The following SRRM1 variants were observed in gnomAD, a reference collection of about 807,000 sequenced individuals.
SRRM1 encodes the protein serine and arginine repetitive matrix 1.
Under a neutral mutation model 110.2 loss-of-function variants are expected in SRRM1, and 19 were observed. The observed-to-expected ratio is 0.17, with a 90% CI of 0.12 to 0.25. The LOEUF is 0.25. Ranked by LOEUF, SRRM1 falls within the 10% of genes least tolerant of loss-of-function variation. SRRM1 has a pLI of 1.00. For missense variants in SRRM1, 918 were observed against 1,145.8 expected (o/e 0.80, Z 2.87); for synonymous variants, 443 against 414.9 (o/e 1.07, Z -0.82).
chr1:24,650,192 C>G (rs2148288981), intron 5 of SRRM1, 106 bp downstream of exon 5: 2 of 1,138,694 alleles, frequency 1.8e-6, no homozygotes, highest in East Asian at 6.0e-5. Flanking sequence ...GAATTTGTTC[C>G]ATCATGCAGT....
chr1:24,655,350 T>G (rs1663441700), intron 9 of SRRM1, among the ~76,000 whole-genome samples: 1 of 152,290 alleles, frequency 6.6e-6, no homozygotes, highest in African/African-American at 2.4e-5. Flanking sequence ...CCCTGTGGCA[T>G]TGCGCAGGTG....
At chr1:24,652,048 A>ATATATATATATATATATATATATATG (rs1661154384) in intron 6 of SRRM1, among the ~76,000 whole-genome samples, 1 of 132,492 alleles carries the variant, frequency 7.5e-6, no homozygotes, top group Non-Finnish European at 1.6e-5. Context: ...ATATATATAT[A>ATATATATATATATATATATATATATG]TATATATATA....
intron 9 of SRRM1, among the ~76,000 whole-genome samples, chr1:24,656,466 C>G (rs995743766): frequency 6.6e-6 from 1 of 152,202 alleles, no homozygotes; most frequent in Non-Finnish European, 1.5e-5. Flanking sequence ...GTTCCAGGTT[C>G]AGTCCTCAGT....
chr1:24,664,299 A>G lies in SRRM1; in HGVS notation c.1628+1495A>G, dbSNP rs141015538. On this transcript the variant is annotated intron_variant, in intron 12 of 16. Coordinates refer to ENST00000323848, the MANE Select transcript of SRRM1 (RefSeq NM_005839.4). ...GCATGAGCCACTGGGCCCGACCTGC[A>G]TATCTTTATTGAAACTTTTGATTAT... Among the ~76,000 whole-genome samples, 943 of 152,262 alleles carry G rather than the reference A, an allele frequency of 6.2e-3. 10 individuals carry two copies. Among genetic ancestry groups the G allele is most frequent in the African/African-American group, 0.021 (867 of 41,522 alleles).
chr1:24,663,987 CTTTTTT>C (rs973518559), intron 12 of SRRM1, among the ~76,000 whole-genome samples: 7 of 119,754 alleles, frequency 5.8e-5, no homozygotes, highest in Non-Finnish European at 8.5e-5. Flanking sequence ...GCATAGCTCT[CTTTTTT>C]TTTTTTTTTT....
chr1:24,663,997 T>TC (rs1167039728), intron 12 of SRRM1, among the ~76,000 whole-genome samples: 1 of 142,070 alleles, frequency 7.0e-6, no homozygotes, highest in Non-Finnish European at 1.5e-5. Flanking sequence ...CTTTTTTTTT[T>TC]TTTTTTTTTT....
chr1:24,645,271 A>G (rs142177003), intron 1 of SRRM1, among the ~76,000 whole-genome samples: 163 of 152,256 alleles, frequency 1.1e-3, no homozygotes, highest in African/African-American at 3.1e-3. Context: ...ATTTTTTTTG[A>G]TCGCTTTCCA....
rs1044898499 is a variant in SRRM1 at position 24,664,236 on chromosome 1, T to A, written c.1628+1432T>A. On this transcript the variant is annotated intron_variant, in intron 12 of 16. Coordinates refer to ENST00000323848, the MANE Select transcript of SRRM1 (RefSeq NM_005839.4). ...GTCTCAAACTCCTAAAGTCAGGTGA[T>A]CCACCCGCCTCGGCCTCCCAAAGTG... is the stretch of plus-strand genomic sequence containing the variant. Among the ~76,000 whole-genome samples the A allele has an allele frequency of 2.6e-5, 4 of 152,250 alleles. No homozygotes were observed. In the South Asian group the frequency reaches 8.3e-4, roughly 32 times the overall value.
Position 24,670,224 on chromosome 1 carries a change from C to T in SRRM1, c.2309C>T (p.Pro770Leu), listed in dbSNP as rs1672039972. Residue 770 changes from proline (P) to leucine (L), a missense_variant, in exon 15 of 17, where the codon CCC becomes CTC. Pro to Leu is a moderately conservative substitution (Grantham distance 98). Around this residue, in one of 5 missense-constraint regions of SRRM1, gnomAD observed 357 missense variants for 402.9 expected, o/e 0.89. Coordinates refer to ENST00000323848, the MANE Select transcript of SRRM1 (RefSeq NM_005839.4). ...AAAAAGCCCCCAGCACCTCCATCCC[C>T]CGTCCAGTCTCAGTCACCGTCTACA... The part of the protein sequence containing the change: ...AAKKPPAPPS[P>L]VQSQSPSTNW... 3.1e-6 allele frequency: 5 copies of T among 1,614,152 alleles called. No individual in the cohort carries two copies. Among genetic ancestry groups the T allele is most frequent in the Non-Finnish European group, 4.2e-6 (5 of 1,180,026 alleles).
Position 24,652,556 on chromosome 1 carries a change from A to C in SRRM1, c.848A>C (p.Lys283Thr). 1.2e-6 allele frequency: 2 copies of C among 1,613,982 alleles called. No homozygotes were observed. The highest frequency in any genetic ancestry group is 1.7e-6 in the Non-Finnish European group (2 of 1,179,982). Residue 283 changes from lysine to threonine, a missense_variant, in exon 7 of 17, where the codon AAA (lysine) becomes ACA (threonine). By Grantham distance (78) the Lys-to-Thr change is moderately conservative (BLOSUM62 -1). Around this residue, in one of 5 missense-constraint regions of SRRM1, gnomAD observed 456 missense variants for 453.5 expected, o/e 1.01. Coordinates refer to ENST00000323848, the MANE Select transcript of SRRM1 (RefSeq NM_005839.4). ...CGACCACGATCTCGGTCACGCTCCAAATCAAGATCCCGGACGCGGTCCCGC... is the reference window on the plus strand; with the variant it reads ...CGACCACGATCTCGGTCACGCTCCACATCAAGATCCCGGACGCGGTCCCGC... ...KTRPRSRSRS[K>T]SRSRTRSRSP... is the part of the protein sequence containing the mutation.
At chr1:24,648,407 T>C (rs938370646) in intron 3 of SRRM1, 1 of 153,276 alleles carries the variant, frequency 6.5e-6, no homozygotes, top group African/African-American at 2.4e-5. Context: ...AACTGGACAA[T>C]AGATATTTTA....
At chr1:24,651,093 T>C (rs1660393920) in intron 5 of SRRM1, among the ~76,000 whole-genome samples, 1 of 152,246 alleles carries the variant, frequency 6.6e-6, no homozygotes, top group Non-Finnish European at 1.5e-5. Context: ...AGGATTATCA[T>C]TGTTTGCTTT....
Position 24,651,494 on chromosome 1 carries a change from C to G in SRRM1, c.607C>G (p.His203Asp), listed in dbSNP as rs1660646757. Residue 203 changes from histidine to aspartate, a missense_variant, in exon 6 of 17, where the codon CAC becomes GAC. Transcript: ENST00000323848. ...GCGCAGTCATTCTCGATCTCCCCGT[C>G]ACAGAACCAAGAGCCGGAGTCCTTC... ...RKRSHSRSPR[H>D]RTKSRSPSPA... 2 of 1,614,136 alleles carry G rather than the reference C, an allele frequency of 1.2e-6. No individual in the cohort carries two copies.
chr1:24,653,140 GAT>G, intron 8 of SRRM1, 108 bp downstream of exon 8: 2 of 1,058,262 alleles, frequency 1.9e-6, no homozygotes, highest in South Asian at 3.5e-5. Context: ...ACTGATAGGT[GAT>G]ATTAGACAAT....
At chr1:24,655,845 A>G (rs1311277882) in intron 9 of SRRM1, among the ~76,000 whole-genome samples, 1 of 152,178 alleles carries the variant, frequency 6.6e-6, no homozygotes, top group Non-Finnish European at 1.5e-5. Flanking sequence ...AAAGGTGAGT[A>G]GTAAGGGATG....
intron 4 of SRRM1, among the ~76,000 whole-genome samples, 181 bp from the exon 5 acceptor site, chr1:24,649,790 A>G: frequency 6.6e-6 from 1 of 152,324 alleles, no homozygotes; most frequent in Non-Finnish European, 1.5e-5. Context: ...TTTGTAAATG[A>G]GTGGCGATAA....
intron 1 of SRRM1, among the ~76,000 whole-genome samples, chr1:24,645,376 TGAAAA>T (rs898963825): frequency 1.2e-4 from 19 of 152,300 alleles, no homozygotes; most frequent in African/African-American, 4.3e-4. Flanking sequence ...AATGACAAAA[TGAAAA>T]GAATAATTAG....
rs533014343 is a variant in SRRM1 at position 24,658,820 on chromosome 1, T to C, written c.1316-1899T>C. ...GTATAGTTTGCTATTTGCACTGTCA[T>C]GATTCCTGATATCTAATTGAGTGAT... On this transcript the variant is annotated intron_variant, in intron 9 of 16. Transcript: ENST00000323848. 6.6e-5 allele frequency among the ~76,000 whole-genome samples: 10 copies of C among 152,370 alleles called. No individual in the cohort carries two copies. The South Asian group carries it at 2.1e-3, about 32-fold the overall frequency.
chr1:24,656,886 A>G (rs1337204345), intron 9 of SRRM1, among the ~76,000 whole-genome samples: 1 of 152,226 alleles, frequency 6.6e-6, no homozygotes, highest in African/African-American at 2.4e-5. Context: ...TACTTTTTGC[A>G]AACAAGACAA....
Sources: gnomAD v4.1 joint callset for allele counts (sites outside exome capture counted in the v4.1 genomes callset) on GRCh38, gnomAD v4.1.1 for gene constraint, gnomAD v4.1.1 regional missense constraint, MANE v1.5 for transcripts, NCBI Gene and HGNC (gene_info 2026-07-23, HGNC 2026-07-21) for gene names.